The following ERC1 variants were observed in gnomAD, a reference collection of about 807,000 sequenced individuals.
The protein encoded by ERC1 is ELKS/RAB6-interacting/CAST family member 1, also known as RAB6 interacting protein 2.
ERC1 carries 56 observed loss-of-function variants against 132.0 expected under a neutral mutation model. That is an observed-to-expected ratio of 0.42 (90% CI 0.34 to 0.53). The LOEUF is 0.53. ERC1 is among the 20% of genes least tolerant of loss of function. The pLI, the probability that ERC1 is intolerant of heterozygous loss-of-function variation, is 0.03. For synonymous variants in ERC1, 478 were observed against 476.1 expected (o/e 1.00, Z -0.05); for missense variants, 1,202 against 1,349.9 (o/e 0.89, Z 1.72).
intron 3 of ERC1, among the ~76,000 whole-genome samples, chr12:1,094,780 C>T (rs76072117): frequency 6.6e-6 from 1 of 152,102 alleles, no homozygotes; most frequent in Admixed American, 6.5e-5. Flanking sequence ...TTTCTGAGCA[C>T]ACTACTATTA....
At chr12:1,356,846 G>T (rs1170973527) in intron 15 of ERC1, among the ~76,000 whole-genome samples, 5 of 152,168 alleles carry the variant, frequency 3.3e-5, no homozygotes, top group Admixed American at 1.3e-4. Flanking sequence ...TTCCAAACCT[G>T]TGTAGGAGAA....
At chr12:990,133 T>C (rs540502181), upstream of ERC1, 1 of 152,294 alleles carries the variant, frequency 6.6e-6, no homozygotes, top group South Asian at 2.1e-4. Flanking sequence ...CTGCAATTTG[T>C]TAATGGGATT....
chr12:1,414,293 T>C (rs73026491), intron 17 of ERC1, among the ~76,000 whole-genome samples: 1,946 of 152,302 alleles, frequency 0.013, 22 homozygotes, highest in South Asian at 0.028. Context: ...AGATGTTTGG[T>C]GAGGACCCTC....
At chr12:1,415,446 A>T (rs897336964) in intron 17 of ERC1, among the ~76,000 whole-genome samples, 3 of 152,230 alleles carry the variant, frequency 2.0e-5, no homozygotes, top group African/African-American at 7.2e-5. Flanking sequence ...TGTAAATATT[A>T]ACACAAACTT....
chr12:1,070,266 T>C (rs1184621867), intron 2 of ERC1, among the ~76,000 whole-genome samples: 1 of 152,086 alleles, frequency 6.6e-6, no homozygotes, highest in Non-Finnish European at 1.5e-5. Context: ...ATCATTTAAA[T>C]TATCATCCCT....
intron 18 of ERC1, among the ~76,000 whole-genome samples, chr12:1,464,282 G>C (rs867128212): frequency 6.6e-6 from 1 of 152,112 alleles, no homozygotes; most frequent in African/African-American, 2.4e-5. Flanking sequence ...TGATACAAAA[G>C]ATTGTTCCAG....
At position 1,189,914 on chromosome 12, in the gene ERC1, A is replaced by G. The variant is rs1367486976; in HGVS notation, c.2213A>G (p.Gln738Arg). 3.1e-6 allele frequency: 5 copies of G among 1,614,070 alleles called. No homozygotes were observed. The highest frequency in any genetic ancestry group is 4.2e-6 in the Non-Finnish European group (5 of 1,179,970). ...AGTCCAGAGATGAGTGACCGAATAC[A>G]GCACTTGGAGAGAGAGATCACCAGG... ...RASPEMSDRI[Q>R]HLEREITRYK... Residue 738 changes from glutamine to arginine, a missense_variant, in exon 12 of 19, where the codon CAG becomes CGG. By Grantham distance (43) the Gln-to-Arg change is conservative. Transcript: ENST00000360905.
intron 3 of ERC1, among the ~76,000 whole-genome samples, chr12:1,092,384 G>T (rs12425633): frequency 0.04 from 6,090 of 152,330 alleles, 144 homozygotes; most frequent in African/African-American, 0.061. Flanking sequence ...CATGTTAACA[G>T]TCTATATCAG....
At chr12:1,062,134 C>G (rs1278553115) in intron 2 of ERC1, among the ~76,000 whole-genome samples, 3 of 151,718 alleles carry the variant, frequency 2.0e-5, no homozygotes, top group Admixed American at 6.6e-5. Context: ...CAGGCACCCA[C>G]CAGCACGCCT....
At chr12:1,184,319 T>G (rs1230593720) in intron 11 of ERC1, among the ~76,000 whole-genome samples, 1 of 151,942 alleles carries the variant, frequency 6.6e-6, no homozygotes, top group Non-Finnish European at 1.5e-5. Flanking sequence ...GTCAGAAAGT[T>G]TTTTTTATTT....
At position 1,237,510 on chromosome 12, in the gene ERC1, A is replaced by G. The variant is rs115419510; in HGVS notation, c.2487+606A>G. 9.5e-3 allele frequency among the ~76,000 whole-genome samples: 1,454 copies of G among 152,324 alleles called. 20 individuals are homozygous for G. Among genetic ancestry groups the G allele is most frequent in the African/African-American group, 0.032 (1,324 of 41,564 alleles). ...CAGCAGTAGCAGCTACCATATTATA[A>G]GTGCCAGTTAGGTCCTCAGTATTTG... On this transcript the variant is annotated intron_variant, in intron 13 of 18. Transcript: ENST00000360905.
rs564581809 is a variant in ERC1, at chr12:1,495,716, C to A, written c.*5486C>A. The stretch of plus-strand genomic sequence containing the variant: ...GAGTTCCTTTTGGTAACAGTAGCAG[C>A]CTCCATGGTGGTGTCTGGGATGCAC... On this transcript the variant is annotated 3_prime_UTR_variant, in exon 19 of 19. Coordinates refer to ENST00000360905, the MANE Select transcript of ERC1 (RefSeq NM_178040.4). 1 of 224,544 alleles carries A rather than the reference C, an allele frequency of 4.5e-6. No homozygotes were observed. Among genetic ancestry groups the A allele is most frequent in the Non-Finnish European group, 8.9e-6 (1 of 112,498 alleles). 13.9% of individuals were successfully genotyped at this position (224,544 alleles called of 1,614,324 possible).
chr12:1,489,386 G>A (rs963492092), intron 18 of ERC1, among the ~76,000 whole-genome samples: 13 of 152,156 alleles, frequency 8.5e-5, no homozygotes, highest in South Asian at 2.1e-4. Flanking sequence ...CCTCAGCTGC[G>A]GCCTCACTCT....
At chr12:1,418,620 T>TC (rs2092263673) in intron 17 of ERC1, among the ~76,000 whole-genome samples, 22 of 123,186 alleles carry the variant, frequency 1.8e-4, no homozygotes, top group African/African-American at 1.1e-3. Context: ...TCTTTCTTTC[T>TC]TTCTTTCTTT....
At chr12:1,281,363 A>G (rs1311990820) in intron 14 of ERC1, among the ~76,000 whole-genome samples, 1 of 152,226 alleles carries the variant, frequency 6.6e-6, no homozygotes, top group Non-Finnish European at 1.5e-5. Flanking sequence ...AAGAGAAATT[A>G]TCAGAGCTCA....
intron 3 of ERC1, among the ~76,000 whole-genome samples, chr12:1,094,572 G>A (rs994584542): frequency 6.6e-6 from 1 of 151,832 alleles, no homozygotes; most frequent in African/African-American, 2.4e-5. Flanking sequence ...CACCACACCT[G>A]GGCTAATTTT....
In ERC1 at chr12:1,492,427, G is replaced by A. The variant is rs1305172412; in HGVS notation, c.*2197G>A. ...CGGTGGAACCAAGACAGCAGGCGAG[G>A]CCATGCCTAAACAAGTGGTCTGGCA... is the stretch of plus-strand genomic sequence containing the variant. On this transcript the variant is annotated 3_prime_UTR_variant, in exon 19 of 19. Coordinates refer to ENST00000360905, the MANE Select transcript of ERC1 (RefSeq NM_178040.4). 2 of 233,114 alleles carry A rather than the reference G, an allele frequency of 8.6e-6. No homozygotes were observed. The highest frequency in any genetic ancestry group is 2.2e-5 in the African/African-American group (1 of 45,334). The allele number at this position is 233,114 out of a possible 1,614,324, so 14.4% of individuals were successfully genotyped here.
chr12:1,468,156 A>G (rs1025677193), intron 18 of ERC1, among the ~76,000 whole-genome samples: 4 of 152,228 alleles, frequency 2.6e-5, no homozygotes, highest in African/African-American at 9.7e-5. Context: ...TACTTCTAAA[A>G]GTAAGTAAGC....
chr12:1,400,275 G>A lies in ERC1; in HGVS notation c.2926-7874G>A, dbSNP rs543529976. ...AATCCCTTGCTCATTTTTAATTGGG[G>A]TATTTGTATTTTTATTATTGAGTTG... On this transcript the variant is annotated intron_variant, in intron 16 of 18. Transcript: ENST00000360905. Among the ~76,000 whole-genome samples the A allele has an allele frequency of 1.4e-4, 21 of 152,170 alleles. 1 individual carries two copies. The highest frequency in any genetic ancestry group is 6.2e-4 in the South Asian group (3 of 4,830).
Sources: allele counts gnomAD v4.1 joint callset (sites outside exome capture counted in the v4.1 genomes callset), GRCh38; gene constraint gnomAD v4.1.1; transcripts MANE v1.5; gene names NCBI Gene and HGNC (gene_info 2026-07-23, HGNC 2026-07-21).